The following RASGRF2 variants were observed in gnomAD, a reference collection of about 807,000 sequenced individuals.
RASGRF2 encodes Ras protein specific guanine nucleotide releasing factor 2, also known as ras-specific guanine nucleotide-releasing factor 2.
RASGRF2 carries 76 observed loss-of-function variants against 151.0 expected under a neutral mutation model. The ratio of observed to expected loss-of-function variants is 0.50; its 90% CI spans 0.42 to 0.61. The LOEUF is 0.61. RASGRF2 is among the 20% of genes least tolerant of loss of function. The pLI is 0.00. For missense variants in RASGRF2, 1,148 were observed against 1,564.6 expected (o/e 0.73, Z 4.49); for synonymous variants, 504 against 566.5 (o/e 0.89, Z 1.57).
At chr5:81,186,867 CT>C (rs1755037411) in intron 18 of RASGRF2, among the ~76,000 whole-genome samples, 1 of 152,200 alleles carries the variant, frequency 6.6e-6, no homozygotes, top group African/African-American at 2.4e-5. Flanking sequence ...ATGGAAATCC[CT>C]GCTCTGGCAT....
intron 19 of RASGRF2, among the ~76,000 whole-genome samples, chr5:81,202,592 A>G (rs1255840080): frequency 6.6e-6 from 1 of 152,156 alleles, no homozygotes; most frequent in Non-Finnish European, 1.5e-5. Flanking sequence ...CCTACCCCCT[A>G]AAAGATATAT....
chr5:81,203,427 C>G (rs902135634), intron 19 of RASGRF2, among the ~76,000 whole-genome samples: 4 of 152,200 alleles, frequency 2.6e-5, no homozygotes, highest in African/African-American at 7.2e-5. Flanking sequence ...CAAGAGGTGA[C>G]CTCAGACGTC....
At chr5:81,161,056 T>G (rs1223503710) in intron 17 of RASGRF2, among the ~76,000 whole-genome samples, 2 of 151,978 alleles carry the variant, frequency 1.3e-5, no homozygotes, top group African/African-American at 4.8e-5. Flanking sequence ...TATACTAGAG[T>G]AGGTAGATTA....
chr5:81,016,139 A>G (rs923902232), intron 1 of RASGRF2, among the ~76,000 whole-genome samples: 1 of 152,200 alleles, frequency 6.6e-6, no homozygotes, highest in African/African-American at 2.4e-5. Context: ...GAAGAGAATC[A>G]TATAGATCAA....
chr5:81,180,745 G>A lies in RASGRF2; in HGVS notation c.2793+464G>A, dbSNP rs145146251. Reference sequence around the variant, plus strand: ...TAAATAACACTCTGGGATCTGGTCAGGGAGTGCTTTCTGGGCCTGATTCTG... The same window carrying A: ...TAAATAACACTCTGGGATCTGGTCAAGGAGTGCTTTCTGGGCCTGATTCTG... On this transcript the variant is annotated intron_variant, in intron 18 of 26. Coordinates refer to ENST00000265080, the MANE Select transcript of RASGRF2 (RefSeq NM_006909.3). 6.1e-5 allele frequency among the ~76,000 whole-genome samples: 9 copies of A among 147,764 alleles called. No homozygotes were observed. The East Asian group carries it at 1.8e-3, about 30-fold the overall frequency.
At chr5:81,030,242 G>A (rs1750191545) in intron 1 of RASGRF2, among the ~76,000 whole-genome samples, 1 of 152,186 alleles carries the variant, frequency 6.6e-6, no homozygotes, top group African/African-American at 2.4e-5. Flanking sequence ...TATTATCCAG[G>A]AGAACTTCCC....
At chr5:80,973,311 A>G (rs557691052) in intron 1 of RASGRF2, among the ~76,000 whole-genome samples, 1 of 152,272 alleles carries the variant, frequency 6.6e-6, no homozygotes, top group African/African-American at 2.4e-5. Context: ...TCCAAGGACA[A>G]TTCTGAAAGA....
At position 81,198,081 on chromosome 5, in the gene RASGRF2, C is replaced by T. The variant is rs980611513; in HGVS notation, c.2794-3249C>T. ...CACATGTTTAACGTGTATTCTCTCTCTCTCTCTCCCCAGACTCCCTCCAAG... is the reference window on the plus strand; with the variant it reads ...CACATGTTTAACGTGTATTCTCTCTTTCTCTCTCCCCAGACTCCCTCCAAG... On this transcript the variant is annotated intron_variant, in intron 18 of 26. Coordinates refer to ENST00000265080, the MANE Select transcript of RASGRF2 (RefSeq NM_006909.3). Among the ~76,000 whole-genome samples, 8 of 151,986 alleles carry T rather than the reference C, an allele frequency of 5.3e-5. No individual in the cohort carries two copies. In the East Asian group the frequency reaches 1.3e-3, roughly 26 times the overall value.
At chr5:81,171,552 TG>T in intron 17 of RASGRF2, among the ~76,000 whole-genome samples, 1 of 35,128 alleles carries the variant, frequency 2.8e-5, no homozygotes, top group Non-Finnish European at 1.2e-4. Flanking sequence ...TTTGTGTTTG[TG>T]TGTGTGTGTG....
intron 1 of RASGRF2, among the ~76,000 whole-genome samples, chr5:81,015,029 C>G (rs1198710861): frequency 1.3e-5 from 2 of 152,096 alleles, no homozygotes; most frequent in African/African-American, 4.8e-5. Flanking sequence ...AAGCAGTCCT[C>G]CAACATCAGC....
intron 17 of RASGRF2, among the ~76,000 whole-genome samples, chr5:81,139,436 G>T (rs1330729015): frequency 7.1e-6 from 1 of 140,000 alleles, no homozygotes; most frequent in Non-Finnish European, 1.5e-5. Context: ...GAGTCTCGGT[G>T]TGTCACCTCC....
chr5:81,139,485 C>T (rs1753833275), intron 17 of RASGRF2, among the ~76,000 whole-genome samples: 1 of 150,626 alleles, frequency 6.6e-6, no homozygotes, highest in Admixed American at 6.6e-5. Flanking sequence ...CTCAGTCTTC[C>T]AGATAGCTAG....
At chr5:81,175,500 T>C (rs1279795871) in intron 17 of RASGRF2, among the ~76,000 whole-genome samples, 2 of 152,136 alleles carry the variant, frequency 1.3e-5, no homozygotes, top group Non-Finnish European at 2.9e-5. Context: ...ATGCCTGTAA[T>C]CTCAGCACTT....
intron 17 of RASGRF2, among the ~76,000 whole-genome samples, chr5:81,155,708 A>G (rs76769013): frequency 0.053 from 8,096 of 152,188 alleles, 686 homozygotes; most frequent in African/African-American, 0.17. Context: ...ACTGAACGCT[A>G]GGGTGACTGG....
intron 2 of RASGRF2, 69 bp downstream of exon 2, chr5:81,043,052 G>T (rs1750727702): frequency 8.2e-7 from 1 of 1,224,582 alleles, no homozygotes; most frequent in Non-Finnish European, 1.2e-6. Flanking sequence ...CACTGTTGGT[G>T]GTAGTTTTGG....
At chr5:80,962,939 A>G (rs1406153664) in intron 1 of RASGRF2, among the ~76,000 whole-genome samples, 2 of 152,210 alleles carry the variant, frequency 1.3e-5, no homozygotes, top group Non-Finnish European at 2.9e-5. Flanking sequence ...TGGTGTTTGT[A>G]GATAAATCTG....
chr5:81,121,013 G>A (rs771368545), intron 15 of RASGRF2, among the ~76,000 whole-genome samples: 29 of 151,910 alleles, frequency 1.9e-4, no homozygotes, highest in Middle Eastern at 3.4e-3. Context: ...TTGTTTTTTT[G>A]TATTGGTGTA....
intron 2 of RASGRF2, among the ~76,000 whole-genome samples, chr5:81,066,511 C>A (rs1033186633): frequency 1.9e-4 from 29 of 152,272 alleles, no homozygotes; most frequent in African/African-American, 6.5e-4. Context: ...TGAACCCCAG[C>A]CTAAAATTGT....
rs16878287 is a variant in RASGRF2, at chr5:80,990,346, C to G, written c.288+29320C>G. Among the ~76,000 whole-genome samples, 1,323 of 152,104 alleles carry G rather than the reference C, an allele frequency of 8.7e-3. 19 individuals are homozygous for G. The highest frequency in any genetic ancestry group is 0.03 in the African/African-American group (1,251 of 41,474). ...CTGTAGGAGGTAGGTGAGCTTCCCT[C>G]GTGCCCAATTTCATGTCCAACCCAG... On this transcript the variant is annotated intron_variant, in intron 1 of 26. Transcript: ENST00000265080.
Sources: allele counts gnomAD v4.1 joint callset (sites outside exome capture counted in the v4.1 genomes callset), GRCh38; gene constraint gnomAD v4.1.1; transcripts MANE v1.5; gene names NCBI Gene and HGNC (gene_info 2026-07-23, HGNC 2026-07-21).